GLCCI1: variants seen among roughly 807,000 people sequenced by gnomAD.
The protein encoded by GLCCI1 is glucocorticoid-induced transcript 1 protein.
Under a neutral mutation model 52.2 loss-of-function variants are expected in GLCCI1, and 24 were observed. The observed-to-expected ratio is 0.46, with a 90% confidence interval of 0.33 to 0.65. GLCCI1 has a LOEUF of 0.65. Ranked by LOEUF, GLCCI1 falls within the 30% of genes least tolerant of loss-of-function variation. The probability of loss-of-function intolerance (pLI) is 0.02; values close to 1 mark genes in which losing one functional copy is unlikely to be tolerated. For missense variants in GLCCI1, 704 were observed against 701.5 expected (o/e 1.00, Z -0.04); for synonymous variants, 310 against 276.5 (o/e 1.12, Z -1.20).
At chr7:7,970,126 CACTT>C (rs1317621942) in intron 1 of GLCCI1, among the ~76,000 whole-genome samples, 1 of 152,194 alleles carries the variant, frequency 6.6e-6, no homozygotes, top group Non-Finnish European at 1.5e-5. Context: ...CTGGGCGAAA[CACTT>C]AACACGCACA....
intron 2 of GLCCI1, among the ~76,000 whole-genome samples, chr7:8,006,023 C>T (rs945991055): frequency 1.3e-5 from 2 of 152,144 alleles, no homozygotes; most frequent in African/African-American, 2.4e-5. Context: ...GTCTCGAACT[C>T]CTGACCAAAG....
intron 6 of GLCCI1, among the ~76,000 whole-genome samples, chr7:8,073,519 TG>T (rs1280183197): frequency 6.6e-6 from 1 of 152,178 alleles, no homozygotes; most frequent in Admixed American, 6.5e-5. Flanking sequence ...TTTTTTAATA[TG>T]TAAAATGAGA....
At chr7:7,992,104 TG>T (rs34970975) in intron 1 of GLCCI1, among the ~76,000 whole-genome samples, 2 of 116,624 alleles carry the variant, frequency 1.7e-5, no homozygotes, top group Admixed American at 1.7e-4. Context: ...TCTTTCTGTC[TG>T]TTTCTCTCTC....
chr7:8,038,155 T>G (rs751819351), intron 3 of GLCCI1, among the ~76,000 whole-genome samples: 42 of 152,146 alleles, frequency 2.8e-4, no homozygotes, highest in Non-Finnish European at 2.2e-4. Flanking sequence ...TGGACAAACA[T>G]TCTAAGCTCT....
intron 1 of GLCCI1, among the ~76,000 whole-genome samples, chr7:7,995,561 C>A (rs1288780295): frequency 3.9e-5 from 6 of 152,294 alleles, no homozygotes; most frequent in African/African-American, 1.4e-4. Flanking sequence ...CCATGGAATA[C>A]TATGCAGCCA....
At chr7:8,019,871 G>C (rs1781450534) in intron 2 of GLCCI1, among the ~76,000 whole-genome samples, 1 of 152,186 alleles carries the variant, frequency 6.6e-6, no homozygotes, top group Non-Finnish European at 1.5e-5. Flanking sequence ...TGCAGGACTG[G>C]AACCTGCTCC....
At chr7:7,972,115 A>G (rs181285346) in intron 1 of GLCCI1, among the ~76,000 whole-genome samples, 28 of 152,262 alleles carry the variant, frequency 1.8e-4, no homozygotes, top group Middle Eastern at 3.4e-3. Flanking sequence ...CAGTTGATTT[A>G]ATTTTTCGAA....
intron 2 of GLCCI1, among the ~76,000 whole-genome samples, chr7:8,012,188 A>G (rs2127945495): frequency 6.6e-6 from 1 of 152,136 alleles, no homozygotes; most frequent in East Asian, 1.9e-4. Context: ...TCAACCTGGT[A>G]TCTTACTTTG....
At chr7:7,971,570 G>C (rs1489206709) in intron 1 of GLCCI1, among the ~76,000 whole-genome samples, 1 of 152,126 alleles carries the variant, frequency 6.6e-6, no homozygotes, top group African/African-American at 2.4e-5. Flanking sequence ...GGCAATTGCT[G>C]CAACAACATA....
intron 1 of GLCCI1, among the ~76,000 whole-genome samples, chr7:7,992,034 G>T (rs1484448199): frequency 6.8e-6 from 1 of 146,150 alleles, no homozygotes; most frequent in Admixed American, 6.8e-5. Context: ...AGGAATATTA[G>T]AATTTATTTT....
rs535944385 is a variant in GLCCI1, at chr7:8,016,964, A to G, written c.610-5519A>G. 2.0e-5 allele frequency among the ~76,000 whole-genome samples: 3 copies of G among 152,340 alleles called. No individual in the cohort carries two copies. In the South Asian group the frequency reaches 6.2e-4, roughly 32 times the overall value. The stretch of plus-strand genomic sequence containing the variant: ...GTAGGAAATGGCATAGAAATGACAC[A>G]AGTGACCCCAGAGCATGTGAGGGCT... On this transcript the variant is annotated intron_variant, in intron 2 of 7. Coordinates refer to ENST00000223145, the MANE Select transcript of GLCCI1 (RefSeq NM_138426.4).
intron 1 of GLCCI1, among the ~76,000 whole-genome samples, chr7:7,979,778 G>A (rs1023520932): frequency 6.6e-6 from 1 of 152,218 alleles, no homozygotes; most frequent in Non-Finnish European, 1.5e-5. Context: ...AGGCTGTTGA[G>A]ATAAGGAGGA....
At chr7:7,974,094 G>A (rs1458009212) in intron 1 of GLCCI1, among the ~76,000 whole-genome samples, 1 of 151,974 alleles carries the variant, frequency 6.6e-6, no homozygotes, top group Admixed American at 6.6e-5. Context: ...AAAGAGACAG[G>A]TTTCACATAC....
chr7:8,020,994 C>T (rs183245698), intron 2 of GLCCI1, among the ~76,000 whole-genome samples: 4 of 152,096 alleles, frequency 2.6e-5, no homozygotes, highest in Admixed American at 1.3e-4. Flanking sequence ...ACCTCTTATC[C>T]GTGGTCTTGC....
intron 1 of GLCCI1, among the ~76,000 whole-genome samples, chr7:7,984,937 T>A (rs190898877): frequency 1.1e-4 from 16 of 152,346 alleles, no homozygotes; most frequent in African/African-American, 2.9e-4. Flanking sequence ...ATCCCAAGAC[T>A]TTTTCTGGAA....
rs146262723 is a variant in GLCCI1 at position 8,088,671 on chromosome 7, C to A, written c.*2133C>A. On this transcript the variant is annotated 3_prime_UTR_variant, in exon 8 of 8. Coordinates refer to ENST00000223145, the MANE Select transcript of GLCCI1 (RefSeq NM_138426.4). ...AATGCAATAGTATCAATATCAATTT[C>A]AGAAAAATGGACTGAATATGCTTTT... is the stretch of plus-strand genomic sequence containing the variant. 11 of 152,686 alleles carry A rather than the reference C, an allele frequency of 7.2e-5. No individual in the cohort carries two copies. The highest frequency in any genetic ancestry group is 2.6e-4 in the African/African-American group (11 of 41,556). The allele number at this position is 152,686 out of a possible 1,614,324, so 9.5% of individuals were successfully genotyped here.
At chr7:8,038,492 C>T (rs771752934) in intron 3 of GLCCI1, among the ~76,000 whole-genome samples, 42 of 152,146 alleles carry the variant, frequency 2.8e-4, no homozygotes, top group Non-Finnish European at 6.0e-4. Context: ...GTTGACAAAA[C>T]ATATGCTGGG....
intron 3 of GLCCI1, among the ~76,000 whole-genome samples, chr7:8,054,974 G>A (rs17142477): frequency 0.098 from 14,851 of 151,806 alleles, 953 homozygotes; most frequent in East Asian, 0.19. Flanking sequence ...CAACACCATG[G>A]GATTTACAAT....
chr7:7,985,508 C>G (rs1780704274), intron 1 of GLCCI1, among the ~76,000 whole-genome samples: 1 of 149,948 alleles, frequency 6.7e-6, no homozygotes, highest in Non-Finnish European at 1.5e-5. Flanking sequence ...AACAAACCTG[C>G]ACGTCCTGCA....
Sources: gnomAD v4.1 joint callset for allele counts (sites outside exome capture counted in the v4.1 genomes callset) on GRCh38, gnomAD v4.1.1 for gene constraint, MANE v1.5 for transcripts, NCBI Gene and HGNC (gene_info 2026-07-23, HGNC 2026-07-21) for gene names.